Variants in ASXL3 observed in about 807,000 individuals in gnomAD.
ASXL3 encodes ASXL transcriptional regulator 3, also known as putative Polycomb group protein ASXL3.
ASXL3 carries 34 observed loss-of-function variants against 170.6 expected under a neutral mutation model. That is an observed-to-expected ratio of 0.20 (90% confidence interval 0.15 to 0.27). ASXL3 has a LOEUF of 0.27. Ranked by LOEUF, ASXL3 falls within the 10% of genes least tolerant of loss-of-function variation. The pLI is 1.00. For missense variants in ASXL3, 2,592 were observed against 2,695.3 expected, an observed-to-expected ratio of 0.96 and a Z score of 0.85; for synonymous variants, 1,002 against 989.1, an observed-to-expected ratio of 1.01 and a Z score of -0.24.
chr18:33,664,294 C>T (rs1436123006), intron 5 of ASXL3, among the ~76,000 whole-genome samples: 1 of 152,178 alleles, frequency 6.6e-6, no homozygotes, highest in Admixed American at 6.5e-5. Context: ...TTCACAAATA[C>T]TGCCTTTCAG....
intron 8 of ASXL3, among the ~76,000 whole-genome samples, chr18:33,688,239 T>G (rs575931068): frequency 6.6e-6 from 1 of 152,276 alleles, no homozygotes; most frequent in South Asian, 2.1e-4. Flanking sequence ...TCTCCTGAAG[T>G]AAAATGGTGC....
rs1408144007 is a variant in ASXL3, at chr18:33,643,188, TGTCTGAA to T, written c.138-1704_138-1698del. Among the ~76,000 whole-genome samples the T allele has an allele frequency of 4.6e-5, 7 of 152,018 alleles. No individual in the cohort carries two copies. The East Asian group carries it at 1.4e-3, about 29-fold the overall frequency. On this transcript the variant is annotated intron_variant, in intron 2 of 11. Transcript: ENST00000269197. ...CTTAGCTTCAAATTTTCTATGCTTT[TGTCTGAA>T]GAATATAATGTAAAAATATGTATTT...
chr18:33,611,247 G>A (rs1211128961), intron 2 of ASXL3, among the ~76,000 whole-genome samples: 4 of 151,870 alleles, frequency 2.6e-5, no homozygotes, highest in Admixed American at 6.6e-5. Flanking sequence ...AATGAAATAA[G>A]TACCTTCCAT....
At chr18:33,721,844 C>T (rs979638554) in intron 8 of ASXL3, among the ~76,000 whole-genome samples, 1 of 152,006 alleles carries the variant, frequency 6.6e-6, no homozygotes, top group Non-Finnish European at 1.5e-5. Flanking sequence ...CTGAGCAAGT[C>T]TATGGGCATC....
Position 33,746,690 on chromosome 18 carries a change from C to CTAA in ASXL3, c.*97_*99dup. 6.8e-7 allele frequency: 1 copy of CTAA among 1,471,332 alleles called. No homozygotes were observed. Among genetic ancestry groups the CTAA allele is most frequent in the South Asian group, 1.5e-5 (1 of 65,984 alleles). 91.1% of individuals were successfully genotyped at this position (1,471,332 alleles called of 1,614,324 possible). A position where few individuals can be genotyped will look rare whatever the true frequency, so the allele number is the denominator to read the frequency against. Reference sequence around the variant, plus strand: ...GAATAATGCAGTGGTTTCTATCATGCTAATTTATTTTGCTTTGGAGCAGGT... The same window carrying CTAA: ...GAATAATGCAGTGGTTTCTATCATGCTAATAATTTATTTTGCTTTGGAGCAGGT... On this transcript the variant is annotated 3_prime_UTR_variant, in exon 12 of 12. Transcript: ENST00000269197.
chr18:33,608,902 G>C (rs1481893982), intron 2 of ASXL3: 1 of 296,732 alleles, frequency 3.4e-6, no homozygotes, highest in African/African-American at 2.3e-5. Context: ...TAGCAAGGTA[G>C]GTCCATGGAC....
intron 4 of ASXL3, among the ~76,000 whole-genome samples, chr18:33,658,745 T>A (rs1369377398): frequency 6.6e-6 from 1 of 152,018 alleles, no homozygotes; most frequent in African/African-American, 2.4e-5. Flanking sequence ...GAAAGAGGGA[T>A]TAGGGAGAAA....
chr18:33,675,964 A>G (rs571924452), intron 7 of ASXL3, among the ~76,000 whole-genome samples: 226 of 151,978 alleles, frequency 1.5e-3, no homozygotes, highest in East Asian at 3.7e-3. Flanking sequence ...AGTGGCTCAC[A>G]CCTGTAATCC....
chr18:33,734,339 A>T lies in ASXL3; in HGVS notation c.1006A>T (p.Ile336Leu), dbSNP rs1252810848. The T allele has an allele frequency of 1.2e-6, 2 of 1,607,788 alleles. No individual in the cohort carries two copies. Among genetic ancestry groups the T allele is most frequent in the Admixed American group, 3.4e-5 (2 of 58,982 alleles). The change falls in exon 10 of 12, where the codon ATA becomes TTA. Residue 336 changes from isoleucine (I) to leucine (L), a missense_variant. Physicochemically the swap from Ile to Leu is conservative, Grantham distance 5 (BLOSUM62 2). This residue lies in a region of ASXL3 where 73 missense variants were observed against 142.7 expected (regional missense o/e 0.51). Coordinates refer to ENST00000269197, the MANE Select transcript of ASXL3 (RefSeq NM_030632.3). ...GTTTACCCCAGAAATGCAGTTGCGG[A>T]TAAGGCAAGAAATTGAGAAGGAAAA... ...GEFTPEMQLR[I>L]RQEIEKEKKT...
intron 2 of ASXL3, among the ~76,000 whole-genome samples, chr18:33,613,495 A>T (rs1479802807): frequency 6.6e-6 from 1 of 152,136 alleles, no homozygotes; most frequent in Non-Finnish European, 1.5e-5. Context: ...AATAAGGAGA[A>T]TATTGCAAAA....
chr18:33,679,209 C>A (rs8092061), intron 7 of ASXL3, among the ~76,000 whole-genome samples: 29,582 of 151,902 alleles, frequency 0.19, 3,220 homozygotes, highest in African/African-American at 0.29. Flanking sequence ...TTTTTTCTCT[C>A]TATATATATA....
intron 5 of ASXL3, among the ~76,000 whole-genome samples, chr18:33,664,461 A>G (rs1315614403): frequency 6.6e-6 from 1 of 152,196 alleles, no homozygotes; most frequent in Non-Finnish European, 1.5e-5. Context: ...GCCCATACTG[A>G]TAACACACAC....
chr18:33,606,192 C>A (rs1482279589), intron 1 of ASXL3, among the ~76,000 whole-genome samples: 4 of 151,898 alleles, frequency 2.6e-5, no homozygotes, highest in African/African-American at 9.7e-5. Flanking sequence ...GCCTATGTTT[C>A]TGTTTCCCCT....
chr18:33,741,270 G>A (rs1034103633), intron 11 of ASXL3, among the ~76,000 whole-genome samples: 1 of 152,156 alleles, frequency 6.6e-6, no homozygotes, highest in Non-Finnish European at 1.5e-5. Flanking sequence ...TGGACTTTAT[G>A]TAAAGATAGA....
At chr18:33,663,461 G>A (rs1432703793) in intron 5 of ASXL3, among the ~76,000 whole-genome samples, 2 of 151,940 alleles carry the variant, frequency 1.3e-5, no homozygotes, top group Non-Finnish European at 2.9e-5. Flanking sequence ...CATTTTTTAC[G>A]ATTACTAAAA....
Position 33,638,945 on chromosome 18 carries a change from G to A in ASXL3, c.138-5949G>A, listed in dbSNP as rs565692182. Among the ~76,000 whole-genome samples the A allele has an allele frequency of 7.2e-5, 11 of 152,198 alleles. 1 individual carries two copies. In the South Asian group the frequency reaches 2.1e-3, roughly 29 times the overall value. On this transcript the variant is annotated intron_variant, in intron 2 of 11. Coordinates refer to ENST00000269197, the MANE Select transcript of ASXL3 (RefSeq NM_030632.3). Reference sequence around the variant, plus strand: ...ATGTGACAGACTATGGACGAGCTGTGTACACATGCCTGTGTCTTCACTTAT... The same window carrying A: ...ATGTGACAGACTATGGACGAGCTGTATACACATGCCTGTGTCTTCACTTAT...
intron 5 of ASXL3, among the ~76,000 whole-genome samples, chr18:33,665,428 C>T (rs916050917): frequency 1.3e-5 from 2 of 152,154 alleles, no homozygotes; most frequent in African/African-American, 4.8e-5. Flanking sequence ...ATCACACTAG[C>T]GGCAATGCAA....
chr18:33,732,598 G>T (rs374960136), intron 9 of ASXL3, among the ~76,000 whole-genome samples: 1 of 152,058 alleles, frequency 6.6e-6, no homozygotes, highest in African/African-American at 2.4e-5. Context: ...TCACTGGCCT[G>T]TTATCCCAGG....
intron 1 of ASXL3, among the ~76,000 whole-genome samples, chr18:33,595,868 G>A (rs2065121705): frequency 6.6e-6 from 1 of 152,160 alleles, no homozygotes; most frequent in African/African-American, 2.4e-5. Context: ...AAGCTCTTCA[G>A]GAGTTGTTTC....
Sources: gnomAD v4.1 joint callset for allele counts (sites outside exome capture counted in the v4.1 genomes callset) on GRCh38, gnomAD v4.1.1 for gene constraint, gnomAD v4.1.1 regional missense constraint, MANE v1.5 for transcripts, NCBI Gene and HGNC (gene_info 2026-07-23, HGNC 2026-07-21) for gene names.